COBLL1: variants seen among roughly 807,000 people sequenced by gnomAD.
COBLL1 encodes the protein cordon-bleu WH2 repeat protein like 1, also known as cordon-bleu protein-like 1.
A neutral mutation model predicts 94.8 loss-of-function variants in COBLL1; 50 were observed. That is an observed-to-expected ratio of 0.53 (90% confidence interval 0.42 to 0.67). The LOEUF is 0.67. Among genes scored for constraint, COBLL1 ranks in the 30% least tolerant of loss-of-function variants. The probability of loss-of-function intolerance (pLI) is 0.00; values close to 1 mark genes in which losing one functional copy is unlikely to be tolerated. For synonymous variants in COBLL1, 448 were observed against 473.8 expected, an observed-to-expected ratio of 0.95 and a Z score of 0.71; for missense variants, 1,362 against 1,348.7, an observed-to-expected ratio of 1.01 and a Z score of -0.15.
At chr2:164,694,089 G>A (rs534414467) in intron 12 of COBLL1, among the ~76,000 whole-genome samples, 180 bp downstream of exon 12, 4 of 152,172 alleles carry the variant, frequency 2.6e-5, no homozygotes, top group Admixed American at 2.0e-4. Flanking sequence ...AGTTATATAA[G>A]TTATAATTGT....
chr2:164,841,027 G>A lies in COBLL1; in HGVS notation c.41+129C>T. ...GAGGAAGCAGCCTCCCCGGCCGCGTGGAGGACAGTCAGTGAGTCAGGCCGC... is the reference window on the plus strand; with the variant it reads ...GAGGAAGCAGCCTCCCCGGCCGCGTAGAGGACAGTCAGTGAGTCAGGCCGC... On this transcript the variant is annotated intron_variant, in intron 2 of 13. Transcript: ENST00000652658. This position sits in a 1 kb window ranked among gnomAD's most constrained non-coding sequence, Gnocchi z 5.5. 4.9e-6 allele frequency: 5 copies of A among 1,022,754 alleles called. No homozygotes were observed. Among genetic ancestry groups the A allele is most frequent in the Non-Finnish European group, 6.3e-6 (5 of 799,638 alleles). The allele number at this position is 1,022,754 out of a possible 1,614,324, so 63.4% of individuals were successfully genotyped here.
At chr2:164,812,075 T>A (rs1684488902) in intron 2 of COBLL1, among the ~76,000 whole-genome samples, 1 of 151,564 alleles carries the variant, frequency 6.6e-6, no homozygotes, top group Admixed American at 6.6e-5. Context: ...AAAAAAAAAA[T>A]ACTTTTTTTC....
In COBLL1 at chr2:164,700,547, G is replaced by T. The variant is rs777735181; in HGVS notation, c.1435C>A (p.Gln479Lys). Residue 479 changes from glutamine (Q) to lysine (K), a missense_variant, in exon 10 of 14, where the codon CAA becomes AAA. Transcript: ENST00000652658. ...TGTCCATCTGTGCTTTTAGTTTCTT[G>T]TTTTTCTTCCATGGAGTTTTGTGAG... ...EFSQNSMEEK[Q>K]ETKSTDGQEP... 5.0e-6 allele frequency: 8 copies of T among 1,613,342 alleles called. No individual in the cohort carries two copies. Among genetic ancestry groups the T allele is most frequent in the Non-Finnish European group, 4.2e-6 (5 of 1,179,502 alleles).
At chr2:164,717,980 AT>A (rs1685258838) in intron 7 of COBLL1, among the ~76,000 whole-genome samples, 1 of 152,242 alleles carries the variant, frequency 6.6e-6, no homozygotes, top group Admixed American at 6.5e-5. Context: ...TGGCTTTTCT[AT>A]AAAAGCTTAA....
intron 2 of COBLL1, among the ~76,000 whole-genome samples, chr2:164,794,719 A>C (rs529167494): frequency 2.1e-4 from 32 of 149,748 alleles, no homozygotes; most frequent in African/African-American, 6.7e-4. Context: ...CAGCATAAGT[A>C]CTTGAATTCC....
At chr2:164,725,133 T>TATATAA (rs1301429291) in intron 5 of COBLL1, 1 of 56,172 alleles carries the variant, frequency 1.8e-5, no homozygotes, top group Non-Finnish European at 3.4e-5. Context: ...TATATATATA[T>TATATAA]AAAATGAAAG....
chr2:164,676,443 C>G (rs1691338135), downstream of COBLL1, among the ~76,000 whole-genome samples: 1 of 151,972 alleles, frequency 6.6e-6, no homozygotes, highest in Non-Finnish European at 1.5e-5. Flanking sequence ...TGGGAAGAGC[C>G]CAAGAAATGA....
intron 2 of COBLL1, chr2:164,800,543 G>T: frequency 1.4e-6 from 1 of 702,132 alleles, no homozygotes; most frequent in Non-Finnish European, 2.6e-6. Flanking sequence ...CCATGACCCA[G>T]CAATCTCTCT....
chr2:164,702,575 A>AAAT (rs1273369266), intron 9 of COBLL1, among the ~76,000 whole-genome samples: 299 of 135,012 alleles, frequency 2.2e-3, no homozygotes, highest in Middle Eastern at 7.6e-3. Flanking sequence ...AAAAAAAAAA[A>AAAT]AATAATAATA....
At chr2:164,705,757 A>T (rs535725012) in intron 7 of COBLL1, among the ~76,000 whole-genome samples, 1 of 152,290 alleles carries the variant, frequency 6.6e-6, no homozygotes, top group East Asian at 1.9e-4. Flanking sequence ...CAGGTGGCTC[A>T]CACCTGTAAT....
At chr2:164,802,366 T>C (rs1055976189) in intron 2 of COBLL1, among the ~76,000 whole-genome samples, 1 of 152,224 alleles carries the variant, frequency 6.6e-6, no homozygotes, top group Non-Finnish European at 1.5e-5. Context: ...TGCACCTCTA[T>C]AATGTAGGCT....
chr2:164,809,430 A>G, intron 2 of COBLL1, among the ~76,000 whole-genome samples: 1 of 151,966 alleles, frequency 6.6e-6, no homozygotes, highest in East Asian at 1.9e-4. Context: ...ATCATCCACA[A>G]AATCAGGATA....
chr2:164,771,167 T>C (rs1224802796), intron 2 of COBLL1, among the ~76,000 whole-genome samples: 1 of 152,052 alleles, frequency 6.6e-6, no homozygotes, highest in Non-Finnish European at 1.5e-5. Context: ...TCATTGTTTA[T>C]ATTTATGAAT....
Position 164,694,702 on chromosome 2 carries a change from T to G in COBLL1, c.2690A>C (p.Lys897Thr), listed in dbSNP as rs775076635. ...SVHAAPNPAP[K>T]ELTNKEAERD... ...TTCTGCCTCTTTATTTGTCAGTTCT[T>G]TTGGAGCAGGATTAGGGGCAGCATG... The change falls in exon 12 of 14, where the codon AAA (lysine) becomes ACA (threonine). Residue 897 changes from lysine to threonine, a missense_variant. Lys to Thr is a moderately conservative substitution (Grantham distance 78). Transcript: ENST00000652658. 8.1e-6 allele frequency: 13 copies of G among 1,613,714 alleles called. No individual in the cohort carries two copies. The Admixed American group carries it at 1.8e-4, about 23-fold the overall frequency.
At position 164,841,429 on chromosome 2, in the gene COBLL1, G is replaced by T; in HGVS notation, c.-50-183C>A. The T allele has an allele frequency of 2.6e-6, 3 of 1,157,076 alleles. No homozygotes were observed. The highest frequency in any genetic ancestry group is 8.8e-5 in the South Asian group (2 of 22,856). The allele number at this position is 1,157,076 out of a possible 1,614,324, so 71.7% of individuals were successfully genotyped here. On this transcript the variant is annotated intron_variant, in intron 1 of 13. Transcript: ENST00000652658. This position sits in a 1 kb window ranked among gnomAD's most constrained non-coding sequence, Gnocchi z 5.5. ...CGGGCGCCGCCGCCGTCTCTACAAGGTCTAGCGGGCGCCCAGAGCACGGCG... is the reference window on the plus strand; with the variant it reads ...CGGGCGCCGCCGCCGTCTCTACAAGTTCTAGCGGGCGCCCAGAGCACGGCG...
intron 2 of COBLL1, among the ~76,000 whole-genome samples, chr2:164,805,431 T>A (rs1684101078): frequency 6.8e-6 from 1 of 146,184 alleles, no homozygotes; most frequent in Non-Finnish European, 1.5e-5. Context: ...ATGTATAATG[T>A]GCCCCTTATT....
At chr2:164,704,817 G>A in intron 8 of COBLL1, 135 bp downstream of exon 8, 2 of 970,436 alleles carry the variant, frequency 2.1e-6, no homozygotes, top group Middle Eastern at 2.8e-4. Context: ...CGGCAGCAAA[G>A]TGAGACTAAT....
At chr2:164,834,346 C>A (rs1048425877) in intron 2 of COBLL1, among the ~76,000 whole-genome samples, 2 of 152,100 alleles carry the variant, frequency 1.3e-5, no homozygotes, top group Non-Finnish European at 2.9e-5. Context: ...GTCTGGAATT[C>A]TCTTTAAAAT....
intron 7 of COBLL1, among the ~76,000 whole-genome samples, chr2:164,706,438 A>G (rs532229404): frequency 1.3e-5 from 2 of 152,202 alleles, no homozygotes; most frequent in Admixed American, 1.3e-4. Flanking sequence ...AGAGGATCTC[A>G]TCTATTCTCT....
Sources: allele counts gnomAD v4.1 joint callset (sites outside exome capture counted in the v4.1 genomes callset), GRCh38; gene constraint gnomAD v4.1.1; non-coding constraint Gnocchi (gnomAD v3.1); transcripts MANE v1.5; gene names NCBI Gene and HGNC (gene_info 2026-07-23, HGNC 2026-07-21).